PDE4D: variants seen among roughly 807,000 people sequenced by gnomAD.
PDE4D encodes the protein phosphodiesterase 4D, also known as 3',5'-cyclic-AMP phosphodiesterase 4D.
PDE4D carries 24 observed loss-of-function variants against 87.4 expected under a neutral mutation model. The observed-to-expected ratio is 0.27, with a 90% CI of 0.20 to 0.39. PDE4D has a LOEUF of 0.39. Ranked by LOEUF, PDE4D falls within the 10% of genes least tolerant of loss-of-function variation. The probability of loss-of-function intolerance (pLI) is 1.00; values close to 1 mark genes in which losing one functional copy is unlikely to be tolerated. For synonymous variants in PDE4D, 384 were observed against 383.2 expected, an observed-to-expected ratio of 1.00 and a Z score of -0.02; for missense variants, 714 against 1,041.0, an observed-to-expected ratio of 0.69 and a Z score of 4.32.
chr5:60,152,621 C>A (rs1460167840), intron 2 of PDE4D, among the ~76,000 whole-genome samples: 1 of 149,688 alleles, frequency 6.7e-6, no homozygotes, highest in Non-Finnish European at 1.5e-5. Flanking sequence ...CCACTGCACT[C>A]CAGCCTGGGT....
rs1960757 is a variant in PDE4D at position 59,309,370 on chromosome 5, A to G, written c.456-93402T>C. On this transcript the variant is annotated intron_variant, in intron 1 of 14. Coordinates refer to ENST00000340635, the MANE Select transcript of PDE4D (RefSeq NM_001104631.2). ...ACCTCTGGCTCTGGCTGCCCTCTGG[A>G]TGGATCCCTGTGATGCCAGGCATGG... Among the ~76,000 whole-genome samples the G allele has an allele frequency of 8.5e-3, 1,299 of 152,262 alleles. 18 individuals are homozygous for G. Among genetic ancestry groups the G allele is most frequent in the African/African-American group, 0.03 (1,237 of 41,534 alleles).
chr5:60,053,124 T>G (rs532497315), intron 2 of PDE4D, among the ~76,000 whole-genome samples: 2 of 152,270 alleles, frequency 1.3e-5, no homozygotes, highest in South Asian at 4.1e-4. Context: ...CCAAAGTAAT[T>G]TATAGATTCA....
intron 1 of PDE4D, among the ~76,000 whole-genome samples, chr5:59,436,991 C>G (rs1796886963): frequency 6.6e-6 from 1 of 152,172 alleles, no homozygotes; most frequent in African/African-American, 2.4e-5. Context: ...TAGGCCTGGT[C>G]CAAGTGCCAT....
chr5:60,433,569 G>T (rs115208354), intron 1 of PDE4D, among the ~76,000 whole-genome samples: 138 of 152,232 alleles, frequency 9.1e-4, no homozygotes, highest in African/African-American at 3.1e-3. Context: ...TCCTATTATT[G>T]GGTATGTACC....
chr5:59,573,902 C>G (rs2153696743), intron 1 of PDE4D, among the ~76,000 whole-genome samples: 1 of 148,042 alleles, frequency 6.8e-6, no homozygotes, highest in African/African-American at 2.5e-5. Context: ...GGAGGCTGAG[C>G]TAGGAGAACC....
intron 1 of PDE4D, among the ~76,000 whole-genome samples, chr5:60,453,931 T>C (rs1746275977): frequency 6.6e-6 from 1 of 152,178 alleles, no homozygotes; most frequent in Non-Finnish European, 1.5e-5. Flanking sequence ...GACATACATG[T>C]CTGTAACTTA....
At chr5:59,773,913 A>T (rs1763824094) in intron 1 of PDE4D, among the ~76,000 whole-genome samples, 2 of 152,188 alleles carry the variant, frequency 1.3e-5, no homozygotes, top group Non-Finnish European at 2.9e-5. Flanking sequence ...AACAAAGAAA[A>T]TAAATACTAA....
chr5:59,004,749 G>A (rs1751251697), intron 6 of PDE4D, among the ~76,000 whole-genome samples: 1 of 152,142 alleles, frequency 6.6e-6, no homozygotes, highest in Non-Finnish European at 1.5e-5. Context: ...AAGTTGTGTG[G>A]GACACACAGC....
At chr5:59,805,568 T>C (rs941277898) in intron 1 of PDE4D, among the ~76,000 whole-genome samples, 1 of 152,110 alleles carries the variant, frequency 6.6e-6, no homozygotes, top group Non-Finnish European at 1.5e-5. Context: ...TATGTTAGAG[T>C]TTAAGAAGTC....
intron 5 of PDE4D, among the ~76,000 whole-genome samples, chr5:59,145,553 G>C (rs1430135156): frequency 6.6e-6 from 1 of 152,168 alleles, no homozygotes. Context: ...CATTCACCTA[G>C]AATGAATGTG....
intron 1 of PDE4D, among the ~76,000 whole-genome samples, chr5:59,742,428 G>A (rs1415451351): frequency 1.3e-5 from 2 of 152,098 alleles, no homozygotes; most frequent in Non-Finnish European, 2.9e-5. Flanking sequence ...TAGACACATG[G>A]ACAACCATTC....
At chr5:59,809,072 A>G (rs1415788711) in intron 1 of PDE4D, among the ~76,000 whole-genome samples, 1 of 152,190 alleles carries the variant, frequency 6.6e-6, no homozygotes, top group African/African-American at 2.4e-5. Context: ...AATGTAATAT[A>G]TGTACTTTAT....
chr5:59,184,853 G>A (rs771636951), intron 4 of PDE4D, among the ~76,000 whole-genome samples: 3 of 152,076 alleles, frequency 2.0e-5, no homozygotes, highest in Non-Finnish European at 4.4e-5. Flanking sequence ...TGATCTTAAG[G>A]TGTGATGAGA....
intron 1 of PDE4D, among the ~76,000 whole-genome samples, chr5:59,247,154 T>C (rs1759006408): frequency 6.6e-6 from 1 of 152,152 alleles, no homozygotes; most frequent in Non-Finnish European, 1.5e-5. Flanking sequence ...GCCTCTGCCA[T>C]GAAACTAAGT....
intron 1 of PDE4D, among the ~76,000 whole-genome samples, chr5:59,375,625 A>G (rs1014030056): frequency 9.2e-5 from 14 of 152,198 alleles, no homozygotes; most frequent in African/African-American, 2.9e-4. Flanking sequence ...AAGAGATGGT[A>G]CCATTCCTGC....
At chr5:60,309,626 A>G (rs1374345693) in intron 1 of PDE4D, among the ~76,000 whole-genome samples, 1 of 152,194 alleles carries the variant, frequency 6.6e-6, no homozygotes, top group Non-Finnish European at 1.5e-5. Context: ...TTAACAGAGA[A>G]CACTGAAAGC....
At chr5:60,037,987 A>T (rs1767995412) in intron 2 of PDE4D, among the ~76,000 whole-genome samples, 1 of 152,182 alleles carries the variant, frequency 6.6e-6, no homozygotes, top group Admixed American at 6.5e-5. Flanking sequence ...GGAAAAATTT[A>T]GGTGGCTCCA....
intron 1 of PDE4D, among the ~76,000 whole-genome samples, chr5:59,865,941 G>A (rs994336756): frequency 2.0e-5 from 3 of 152,198 alleles, no homozygotes; most frequent in Non-Finnish European, 2.9e-5. Context: ...CTGCTAGAAC[G>A]CTTTGCCTCC....
chr5:59,910,089 TC>T (rs1334737336), intron 3 of PDE4D, among the ~76,000 whole-genome samples: 1 of 152,190 alleles, frequency 6.6e-6, no homozygotes, highest in Non-Finnish European at 1.5e-5. Flanking sequence ...CCTCGATCTT[TC>T]CTTTTTGGGA....
Sources: gnomAD v4.1 joint callset for allele counts (sites outside exome capture counted in the v4.1 genomes callset) on GRCh38, gnomAD v4.1.1 for gene constraint, MANE v1.5 for transcripts, NCBI Gene and HGNC (gene_info 2026-07-23, HGNC 2026-07-21) for gene names.